PIK3CB: variants seen among roughly 807,000 people sequenced by gnomAD.
PIK3CB encodes phosphatidylinositol 4,5-bisphosphate 3-kinase catalytic subunit beta isoform.
A neutral mutation model predicts 136.8 loss-of-function variants in PIK3CB; 39 were observed. The ratio of observed to expected loss-of-function variants is 0.29; its 90% CI spans 0.22 to 0.37. The LOEUF (loss-of-function observed/expected upper bound fraction) is 0.37, where lower values mean the gene tolerates loss of function less well. PIK3CB is among the 10% of genes least tolerant of loss of function. PIK3CB has a pLI of 1.00. For synonymous variants in PIK3CB, 428 were observed against 436.6 expected (o/e 0.98, Z 0.25); for missense variants, 868 against 1,275.4 (o/e 0.68, Z 4.87).
chr3:138,657,925 A>G (rs1196687973), intron 21 of PIK3CB, 90 bp from the exon 22 acceptor site: 1 of 1,261,700 alleles, frequency 7.9e-7, no homozygotes, highest in Non-Finnish European at 1.1e-6. Flanking sequence ...ACCCCCAGGA[A>G]CTATACCCAT....
intron 22 of PIK3CB, among the ~76,000 whole-genome samples, chr3:138,656,577 A>G (rs2043195702): frequency 6.6e-6 from 1 of 152,206 alleles, no homozygotes; most frequent in Admixed American, 6.5e-5. Flanking sequence ...TATGAGACAC[A>G]AGAACTGATT....
At chr3:138,755,113 A>T (rs912690841) in intron 4 of PIK3CB, among the ~76,000 whole-genome samples, 3 of 152,246 alleles carry the variant, frequency 2.0e-5, no homozygotes, top group African/African-American at 7.2e-5. Flanking sequence ...ACTTCTACTT[A>T]AAGATAATTT....
At chr3:138,826,038 C>T (rs2108916871) in intron 1 of PIK3CB, 1 of 1,321,560 alleles carries the variant, frequency 7.6e-7, no homozygotes, top group East Asian at 2.3e-5. Context: ...TGTCACACAG[C>T]TTACACAGCT....
chr3:138,823,985 C>T (rs1214421818), intron 1 of PIK3CB, among the ~76,000 whole-genome samples: 1 of 151,928 alleles, frequency 6.6e-6, no homozygotes, highest in African/African-American at 2.4e-5. Context: ...CCAGTTAATA[C>T]CAAATCATCT....
intron 2 of PIK3CB, among the ~76,000 whole-genome samples, chr3:138,789,826 G>A (rs9878645): frequency 0.36 from 54,433 of 151,710 alleles, 12,207 homozygotes; most frequent in Admixed American, 0.54. Flanking sequence ...GAGTAGGTGG[G>A]ACTGCAGATG....
chr3:138,807,232 G>A (rs1044186157), intron 1 of PIK3CB, among the ~76,000 whole-genome samples: 6 of 152,012 alleles, frequency 3.9e-5, no homozygotes, highest in Admixed American at 6.6e-5. Context: ...TCAGGAGTTC[G>A]AGACCAGCCT....
At chr3:138,788,997 A>AAAAAAAAAAAAAAC (rs1559879235) in intron 2 of PIK3CB, among the ~76,000 whole-genome samples, 4 of 150,194 alleles carry the variant, frequency 2.7e-5, no homozygotes, top group African/African-American at 7.4e-5. Flanking sequence ...AAAAAACAAA[A>AAAAAAAAAAAAAAC]AACAACACCA....
intron 19 of PIK3CB, among the ~76,000 whole-genome samples, chr3:138,672,616 G>C (rs1559803910): frequency 1.3e-5 from 2 of 152,140 alleles, no homozygotes; most frequent in Non-Finnish European, 2.9e-5. Flanking sequence ...CAATCTGAAA[G>C]AGACTTTAGG....
intron 1 of PIK3CB, among the ~76,000 whole-genome samples, chr3:138,819,237 C>T (rs1467463540): frequency 6.6e-6 from 1 of 152,214 alleles, no homozygotes; most frequent in East Asian, 1.9e-4. Context: ...GTCCCAGCTA[C>T]TCAGGAGGCT....
At chr3:138,722,259 T>TACAC (rs1489389610) in intron 8 of PIK3CB, among the ~76,000 whole-genome samples, 1 of 145,944 alleles carries the variant, frequency 6.9e-6, no homozygotes, top group African/African-American at 2.6e-5. Context: ...CACACACACG[T>TACAC]GTGTAGGCTC....
In PIK3CB at chr3:138,686,558, A is replaced by G. The variant is rs533370845; in HGVS notation, c.2137-1755T>C. Among the ~76,000 whole-genome samples the G allele has an allele frequency of 2.6e-5, 4 of 152,326 alleles. No homozygotes were observed. In the East Asian group the frequency reaches 7.7e-4, roughly 29 times the overall value. On this transcript the variant is annotated intron_variant, in intron 16 of 23. Coordinates refer to ENST00000674063, the MANE Select transcript of PIK3CB (RefSeq NM_006219.3). ...TCATAACAACTTCAGCCACGCATAA[A>G]GAAGGAGCAGCTTATTTTACAAGTA... is the stretch of plus-strand genomic sequence containing the variant.
At chr3:138,792,951 G>A (rs1406101309) in intron 2 of PIK3CB, among the ~76,000 whole-genome samples, 1 of 152,110 alleles carries the variant, frequency 6.6e-6, no homozygotes, top group African/African-American at 2.4e-5. Context: ...CTAAGTGTAG[G>A]ATTTCTTATC....
intron 8 of PIK3CB, among the ~76,000 whole-genome samples, chr3:138,727,336 G>C (rs1289258541): frequency 6.6e-6 from 1 of 152,230 alleles, no homozygotes; most frequent in African/African-American, 2.4e-5. Flanking sequence ...AATCCTCAGT[G>C]AGACTGACTT....
chr3:138,681,580 C>T (rs1399888115), intron 19 of PIK3CB, among the ~76,000 whole-genome samples: 1 of 152,152 alleles, frequency 6.6e-6, no homozygotes, highest in African/African-American at 2.4e-5. Flanking sequence ...AAACATTTTC[C>T]TCTCTTTTCC....
chr3:138,704,395 T>G (rs756278491), intron 12 of PIK3CB, 48 bp downstream of exon 12: 5 of 1,229,986 alleles, frequency 4.1e-6, no homozygotes. Flanking sequence ...TACCTAATAA[T>G]GTGCACAACT....
intron 1 of PIK3CB, among the ~76,000 whole-genome samples, chr3:138,809,390 G>A: frequency 6.6e-6 from 1 of 151,782 alleles, no homozygotes. Context: ...CGGATCACCT[G>A]AGGTCAGGAG....
rs758527377 is a variant in PIK3CB at position 138,694,873 on chromosome 3, G to T, written c.1805C>A (p.Pro602His). The T allele has an allele frequency of 1.2e-6, 2 of 1,611,026 alleles. No homozygotes were observed. Among genetic ancestry groups the T allele is most frequent in the South Asian group, 1.1e-5 (1 of 90,396 alleles). ...QALLQIWPKLPPREALELLDF... is the reference protein window; with the variant it reads ...QALLQIWPKLHPREALELLDF... ...CAGAAGCTCTAGGGCCTCCCGGGGG[G>T]GCAGTTTAGGCCAAATCTGAAGCAG... The change falls in exon 14 of 24, where the codon CCC becomes CAC. Residue 602 changes from proline (P) to histidine (H), a missense_variant. Physicochemically the swap from Pro to His is moderately conservative, Grantham distance 77. Transcript: ENST00000674063.
intron 8 of PIK3CB, among the ~76,000 whole-genome samples, chr3:138,715,912 G>A (rs751048320): frequency 5.3e-5 from 8 of 151,854 alleles, no homozygotes; most frequent in Non-Finnish European, 1.0e-4. Flanking sequence ...AACACAGATG[G>A]ATTAGAGAAT....
chr3:138,673,906 C>A (rs1174254301), intron 19 of PIK3CB, among the ~76,000 whole-genome samples: 2 of 152,118 alleles, frequency 1.3e-5, no homozygotes, highest in East Asian at 3.9e-4. Flanking sequence ...CATTCTTTGG[C>A]CTCTCTGGTA....
Sources: gnomAD v4.1 joint callset for allele counts (sites outside exome capture counted in the v4.1 genomes callset) on GRCh38, gnomAD v4.1.1 for gene constraint, MANE v1.5 for transcripts, NCBI Gene and HGNC (gene_info 2026-07-23, HGNC 2026-07-21) for gene names.